The following IDO2 variants were observed in gnomAD, a reference collection of about 807,000 sequenced individuals.
IDO2 encodes indoleamine 2,3-dioxygenase-like 1 protein.
IDO2 carries 46 observed loss-of-function variants against 45.1 expected under a neutral mutation model. The observed-to-expected ratio is 1.02, with a 90% CI of 0.80 to 1.30. IDO2 has a LOEUF of 1.30. IDO2 is among the 50% of genes most tolerant of loss of function. IDO2 has a pLI of 0.00. For missense variants in IDO2, 544 were observed against 491.8 expected (o/e 1.11, Z -1.00); for synonymous variants, 218 against 184.9 (o/e 1.18, Z -1.45).
At chr8:39,995,155 TCTCCTC>T (rs150056268) in intron 8 of IDO2, 2 of 102,944 alleles carry the variant, frequency 1.9e-5, no homozygotes, top group South Asian at 3.8e-4. Context: ...TTCTTCTTCT[TCTCCTC>T]CTCCTCCTCC....
At chr8:39,989,250 G>T (rs1011390253) in intron 7 of IDO2, among the ~76,000 whole-genome samples, 2 of 152,092 alleles carry the variant, frequency 1.3e-5, no homozygotes, top group African/African-American at 4.8e-5. Flanking sequence ...GTATGGGAGA[G>T]CCCACCCCCA....
At chr8:39,995,815 GAA>G (rs35976655) in intron 8 of IDO2, among the ~76,000 whole-genome samples, 69,402 of 151,584 alleles carry the variant, frequency 0.46, 16,512 homozygotes, top group South Asian at 0.53. Flanking sequence ...GAAGTGACCA[GAA>G]GAGTGTGAGC....
chr8:39,961,067 G>A (rs12056699), intron 2 of IDO2, among the ~76,000 whole-genome samples: 26,484 of 152,094 alleles, frequency 0.17, 2,844 homozygotes, highest in South Asian at 0.32. Context: ...ATAGGCGTGA[G>A]CCACCGCACC....
At chr8:40,005,231 AG>A (rs1802202404) in intron 8 of IDO2, 95 bp from the exon 9 acceptor site, 1 of 671,262 alleles carries the variant, frequency 1.5e-6, no homozygotes. Context: ...CATATCAGAT[AG>A]GGAAGGAACT....
intron 1 of IDO2, among the ~76,000 whole-genome samples, chr8:39,942,829 T>G (rs1361405784): frequency 2.0e-5 from 3 of 152,204 alleles, no homozygotes; most frequent in Non-Finnish European, 4.4e-5. Flanking sequence ...AGTTCTAATA[T>G]TTCACAATTC....
chr8:39,989,173 G>T (rs189891994), intron 7 of IDO2, among the ~76,000 whole-genome samples: 33 of 152,176 alleles, frequency 2.2e-4, no homozygotes, highest in East Asian at 1.2e-3. Context: ...GAGAGCAAAG[G>T]GGGGAGCTGC....
rs369311184 is a variant in IDO2 at position 39,941,569 on chromosome 8, T to C, written c.-18+6351T>C. ...GATAGTTACAGACCCACAAGTAACA[T>C]GGGTCTAGACCTTGGGAACAAGAAA... On this transcript the variant is annotated intron_variant, in intron 1 of 10. Coordinates refer to ENST00000502986, the Ensembl canonical transcript of IDO2. Among the ~76,000 whole-genome samples the C allele has an allele frequency of 1.4e-4, 22 of 152,244 alleles. No homozygotes were observed. In the East Asian group the frequency reaches 3.3e-3, roughly 23 times the overall value.
intron 2 of IDO2, among the ~76,000 whole-genome samples, chr8:39,954,903 C>A (rs951304049): frequency 2.0e-5 from 3 of 151,552 alleles, no homozygotes; most frequent in African/African-American, 7.3e-5. Context: ...GTGATCCGCG[C>A]ACCTCGGCCT....
chr8:39,958,726 C>G (rs1807941911), intron 2 of IDO2, among the ~76,000 whole-genome samples: 1 of 152,216 alleles, frequency 6.6e-6, no homozygotes, highest in South Asian at 2.1e-4. Context: ...GCTGGGATTA[C>G]AGGTGTGAGC....
chr8:39,952,862 G>T (rs527890659), intron 2 of IDO2, among the ~76,000 whole-genome samples: 1 of 151,702 alleles, frequency 6.6e-6, no homozygotes, highest in Non-Finnish European at 1.5e-5. Context: ...TCCGCCTCCC[G>T]GGTTCAAGCG....
chr8:39,980,265 T>C (rs1047874115), intron 4 of IDO2, among the ~76,000 whole-genome samples: 1 of 152,190 alleles, frequency 6.6e-6, no homozygotes, highest in Non-Finnish European at 1.5e-5. Context: ...CAGACACTTA[T>C]TTCCTTAATC....
intron 4 of IDO2, among the ~76,000 whole-genome samples, chr8:39,981,071 T>C (rs1294888386): frequency 6.9e-6 from 1 of 145,908 alleles, no homozygotes; most frequent in Non-Finnish European, 1.5e-5. Context: ...CATTTTTTTT[T>C]TTTTTTTCGA....
intron 3 of IDO2, among the ~76,000 whole-genome samples, chr8:39,972,297 G>T (rs541204972): frequency 6.6e-6 from 1 of 152,296 alleles, no homozygotes. Flanking sequence ...AGCAGGGTTT[G>T]AGAGGATTAA....
chr8:39,956,234 T>A (rs1231631287), intron 2 of IDO2, among the ~76,000 whole-genome samples: 2 of 151,858 alleles, frequency 1.3e-5, no homozygotes, highest in Admixed American at 6.6e-5. Context: ...AATTTTTGTA[T>A]CCTTTTTAGT....
chr8:39,961,695 T>C (rs917737410), intron 2 of IDO2, among the ~76,000 whole-genome samples: 1 of 152,218 alleles, frequency 6.6e-6, no homozygotes, highest in Non-Finnish European at 1.5e-5. Context: ...CACAGTCATA[T>C]CTTTTGATTC....
intron 8 of IDO2, chr8:39,998,129 T>C: frequency 4.9e-6 from 1 of 205,546 alleles, no homozygotes; most frequent in Non-Finnish European, 1.0e-5. Context: ...CATGGCAAAG[T>C]GAAAATCCTC....
In IDO2 at chr8:39,961,510, C is replaced by T. The variant is rs1585401710; in HGVS notation, c.100-2098C>T. ...CCTAATTTTTTATTTTTAGTAGAGA[C>T]AGGATTTCACCATGTTGGTCAAGCC... On this transcript the variant is annotated intron_variant, in intron 2 of 10. Coordinates refer to ENST00000502986, the Ensembl canonical transcript of IDO2. 3.3e-5 allele frequency among the ~76,000 whole-genome samples: 5 copies of T among 151,870 alleles called. No homozygotes were observed. In the South Asian group the frequency reaches 1.0e-3, roughly 32 times the overall value.
At chr8:39,952,960 G>T (rs1585398192) in intron 2 of IDO2, among the ~76,000 whole-genome samples, 1 of 150,604 alleles carries the variant, frequency 6.6e-6, no homozygotes, top group Non-Finnish European at 1.5e-5. Context: ...TACAGATGGG[G>T]TTTCTCCATG....
rs568373791 is a variant in IDO2 at position 39,973,423 on chromosome 8, G to T, written c.196-5644G>T. ...ACCCTTCTCCAATAACAGGAGCCTG[G>T]TCTTCTTGAAGAAACAGCTGATAAT... On this transcript the variant is annotated intron_variant, in intron 3 of 10. Coordinates refer to ENST00000502986, the Ensembl canonical transcript of IDO2. 1.8e-4 allele frequency among the ~76,000 whole-genome samples: 28 copies of T among 152,114 alleles called. No individual in the cohort carries two copies. In the East Asian group the frequency reaches 2.1e-3, roughly 12 times the overall value.
Sources: gnomAD v4.1 joint callset for allele counts (sites outside exome capture counted in the v4.1 genomes callset) on GRCh38, gnomAD v4.1.1 for gene constraint, MANE v1.5 for transcripts, NCBI Gene and HGNC (gene_info 2026-07-23, HGNC 2026-07-21) for gene names.